PPM1L: variants seen among roughly 807,000 people sequenced by gnomAD.
PPM1L encodes protein phosphatase, Mg2+/Mn2+ dependent 1L.
Under a neutral mutation model 31.4 loss-of-function variants are expected in PPM1L, and 13 were observed. The ratio of observed to expected loss-of-function variants is 0.41; its 90% CI spans 0.27 to 0.66. PPM1L has a LOEUF of 0.66. Among genes scored for constraint, PPM1L ranks in the 30% least tolerant of loss-of-function variants. PPM1L has a pLI of 0.29. For missense variants in PPM1L, 326 were observed against 453.7 expected (o/e 0.72, Z 2.56); for synonymous variants, 184 against 175.4 (o/e 1.05, Z -0.39).
chr3:160,814,605 G>GTA lies in PPM1L; in HGVS notation c.399+57907_399+57908dup, dbSNP rs763286003. 2.3e-3 allele frequency among the ~76,000 whole-genome samples: 284 copies of GTA among 122,350 alleles called. 3 individuals carry two copies. Among genetic ancestry groups the GTA allele is most frequent in the East Asian group, 0.011 (52 of 4,622 alleles). The allele number at this position is 122,350 out of a possible 152,430, so 80.3% of individuals were successfully genotyped here. A position where few individuals can be genotyped will look rare whatever the true frequency, so the allele number is the denominator to read the frequency against. ...TATACACACACATATGTATGTATGT[G>GTA]TATATATATACACACACATATGTAT... On this transcript the variant is annotated intron_variant, in intron 1 of 3. Transcript: ENST00000498165.
intron 1 of PPM1L, among the ~76,000 whole-genome samples, chr3:160,810,137 T>C (rs1320709801): frequency 6.6e-6 from 1 of 152,002 alleles, no homozygotes; most frequent in East Asian, 1.9e-4. Context: ...GGAAAGCATT[T>C]CCTTGCTTGA....
rs3063236 is a variant in PPM1L, at chr3:160,920,586, TTCTCTCTCTC to T, written c.400-41129_400-41120del. 9.1e-4 allele frequency among the ~76,000 whole-genome samples: 109 copies of T among 120,364 alleles called. 1 individual carries two copies. Among genetic ancestry groups the T allele is most frequent in the Middle Eastern group, 4.5e-3 (1 of 224 alleles). The allele number at this position is 120,364 out of a possible 152,430, so 79.0% of individuals were successfully genotyped here. On this transcript the variant is annotated intron_variant, in intron 1 of 3. Transcript: ENST00000498165. ...CAGCAACTGCACTTATGCATTTAGT[TTCTCTCTCTC>T]TCTCTCTCTCTCTCTCTCTCACACA... is the stretch of plus-strand genomic sequence containing the variant.
Position 161,068,868 on chromosome 3 carries a change from G to T in PPM1L, c.794G>T (p.Arg265Leu), listed in dbSNP as rs1214162439. Residue 265 changes from arginine (R) to leucine (L), a missense_variant, in exon 4 of 4, where the codon CGG becomes CTG. This residue lies in a region of PPM1L where 201 missense variants were observed against 298.2 expected (regional missense o/e 0.67). Coordinates refer to ENST00000498165, the MANE Select transcript of PPM1L (RefSeq NM_139245.4). Reference sequence around the variant, plus strand: ...GTCCAGGGAATCCTGGCCATGTCTCGGTCCCTGGGGGATTATCCGCTGAAA... The same window carrying T: ...GTCCAGGGAATCCTGGCCATGTCTCTGTCCCTGGGGGATTATCCGCTGAAA... ...WRVQGILAMS[R>L]SLGDYPLKNL... 1 of 1,614,054 alleles carries T rather than the reference G, an allele frequency of 6.2e-7. No individual in the cohort carries two copies. Among genetic ancestry groups the T allele is most frequent in the South Asian group, 1.1e-5 (1 of 91,058 alleles).
chr3:160,908,588 T>C (rs1035606134), intron 1 of PPM1L, among the ~76,000 whole-genome samples: 1 of 152,166 alleles, frequency 6.6e-6, no homozygotes, highest in African/African-American at 2.4e-5. Flanking sequence ...CAAAGATGAC[T>C]GATGAGATTT....
In PPM1L at chr3:160,795,730, G is replaced by T. The variant is rs150707681; in HGVS notation, c.399+39023G>T. Among the ~76,000 whole-genome samples the T allele has an allele frequency of 5.2e-3, 789 of 152,224 alleles. 8 individuals are homozygous for T. The highest frequency in any genetic ancestry group is 0.018 in the African/African-American group (752 of 41,530). On this transcript the variant is annotated intron_variant, in intron 1 of 3. Coordinates refer to ENST00000498165, the MANE Select transcript of PPM1L (RefSeq NM_139245.4). ...AAAGTAATACAGATCATATTTACAC[G>T]TTAAGTACATTTCCCCAGGTGAGTA...
chr3:160,938,055 C>A (rs559648835), intron 1 of PPM1L, among the ~76,000 whole-genome samples: 10 of 152,230 alleles, frequency 6.6e-5, no homozygotes, highest in African/African-American at 1.9e-4. Context: ...CTGCTTCATC[C>A]TTATATCATT....
At chr3:160,979,269 G>C (rs939219040) in intron 2 of PPM1L, among the ~76,000 whole-genome samples, 4 of 151,968 alleles carry the variant, frequency 2.6e-5, no homozygotes, top group Non-Finnish European at 4.4e-5. Flanking sequence ...TCCAGTTCAG[G>C]GTTACAGGTG....
intron 1 of PPM1L, among the ~76,000 whole-genome samples, chr3:160,798,127 G>A (rs1083606): frequency 1.3e-5 from 2 of 152,184 alleles, no homozygotes; most frequent in South Asian, 4.2e-4. Flanking sequence ...GCAGTGAGCC[G>A]AGATCACGCC....
At chr3:160,816,486 T>G (rs1712998926) in intron 1 of PPM1L, among the ~76,000 whole-genome samples, 1 of 152,122 alleles carries the variant, frequency 6.6e-6, no homozygotes, top group African/African-American at 2.4e-5. Context: ...CTGTTTTTTT[T>G]TTTTTTAACC....
intron 1 of PPM1L, among the ~76,000 whole-genome samples, chr3:160,886,229 G>C (rs1712911926): frequency 6.6e-6 from 1 of 152,238 alleles, no homozygotes; most frequent in Non-Finnish European, 1.5e-5. Context: ...CCCCTAGTGG[G>C]AGGGATGGCT....
intron 1 of PPM1L, among the ~76,000 whole-genome samples, chr3:160,905,852 A>T (rs1014267806): frequency 2.0e-5 from 3 of 152,086 alleles, no homozygotes; most frequent in Non-Finnish European, 2.9e-5. Context: ...ACATTTTTTT[A>T]AAAATCACAT....
chr3:160,964,683 T>C (rs1009083371), intron 2 of PPM1L, among the ~76,000 whole-genome samples: 1 of 152,028 alleles, frequency 6.6e-6, no homozygotes, highest in African/African-American at 2.4e-5. Flanking sequence ...CTTTGAAAAG[T>C]CTAGCAACAT....
chr3:160,801,144 C>T (rs1712414510), intron 1 of PPM1L, among the ~76,000 whole-genome samples: 1 of 149,970 alleles, frequency 6.7e-6, no homozygotes, highest in African/African-American at 2.5e-5. Context: ...CACACACACA[C>T]ACACACACAC....
At chr3:160,945,981 A>G (rs1715395697) in intron 1 of PPM1L, among the ~76,000 whole-genome samples, 1 of 152,198 alleles carries the variant, frequency 6.6e-6, no homozygotes. Context: ...GTTATTGGTA[A>G]GGCTGTCATT....
At chr3:161,037,539 C>T (rs570531502) in intron 2 of PPM1L, among the ~76,000 whole-genome samples, 35 of 151,192 alleles carry the variant, frequency 2.3e-4, no homozygotes, top group Non-Finnish European at 3.5e-4. Context: ...CTCAGCCTTC[C>T]GAGTAGCTGG....
chr3:161,038,592 A>T (rs1261402591), intron 2 of PPM1L, among the ~76,000 whole-genome samples: 8 of 78,676 alleles, frequency 1.0e-4, no homozygotes, highest in South Asian at 5.3e-4. Context: ...TTTTAAAAAA[A>T]AAAAAAAAAA....
intron 2 of PPM1L, among the ~76,000 whole-genome samples, chr3:160,981,314 A>G (rs1359897120): frequency 6.6e-6 from 1 of 152,174 alleles, no homozygotes; most frequent in African/African-American, 2.4e-5. Context: ...GCAGTCTCTG[A>G]AGATTTAACT....
intron 1 of PPM1L, among the ~76,000 whole-genome samples, chr3:160,776,119 A>G (rs1267883447): frequency 6.6e-6 from 1 of 152,218 alleles, no homozygotes; most frequent in African/African-American, 2.4e-5. Flanking sequence ...TACATTAACT[A>G]TTAAGTTGAA....
At chr3:160,810,612 C>T (rs1390675421) in intron 1 of PPM1L, among the ~76,000 whole-genome samples, 1 of 152,088 alleles carries the variant, frequency 6.6e-6, no homozygotes, top group Non-Finnish European at 1.5e-5. Flanking sequence ...TTGTATTGCC[C>T]AGACCAAGGC....
Sources: allele counts gnomAD v4.1 joint callset (sites outside exome capture counted in the v4.1 genomes callset), GRCh38; gene constraint gnomAD v4.1.1; regional missense constraint gnomAD v4.1.1; transcripts MANE v1.5; gene names NCBI Gene and HGNC (gene_info 2026-07-23, HGNC 2026-07-21).